NAALADL2: variants seen among roughly 807,000 people sequenced by gnomAD.
NAALADL2 encodes N-acetylated alpha-linked acidic dipeptidase like 2.
Under a neutral mutation model 87.2 loss-of-function variants are expected in NAALADL2, and 76 were observed. The observed-to-expected ratio is 0.87, with a 90% CI of 0.72 to 1.05. The LOEUF is 1.05. NAALADL2 is among the 50% of genes least tolerant of loss of function. The pLI, the probability that NAALADL2 is intolerant of heterozygous loss-of-function variation, is 0.00. For missense variants in NAALADL2, 1,089 were observed against 945.8 expected, an observed-to-expected ratio of 1.15 and a Z score of -1.99; for synonymous variants, 354 against 331.0, an observed-to-expected ratio of 1.07 and a Z score of -0.75.
intron 3 of NAALADL2, among the ~76,000 whole-genome samples, chr3:174,776,549 A>T (rs6776356): frequency 0.014 from 2,133 of 152,272 alleles, 48 homozygotes; most frequent in African/African-American, 0.05. Context: ...ATTGTGAATT[A>T]GGAAACTAAT....
intron 11 of NAALADL2, among the ~76,000 whole-genome samples, chr3:175,729,045 T>C (rs1743312536): frequency 6.6e-6 from 1 of 152,204 alleles, no homozygotes; most frequent in Admixed American, 6.5e-5. Flanking sequence ...AATATATGTG[T>C]ATGGTGTCGT....
chr3:175,554,087 A>G (rs977226824), intron 9 of NAALADL2, among the ~76,000 whole-genome samples: 6 of 152,262 alleles, frequency 3.9e-5, no homozygotes, highest in Admixed American at 2.0e-4. Context: ...GGGACATTCA[A>G]ATTAATAGTG....
At chr3:174,498,451 A>G (rs955710881) in intron 1 of NAALADL2, among the ~76,000 whole-genome samples, 61 of 151,834 alleles carry the variant, frequency 4.0e-4, no homozygotes, top group Non-Finnish European at 4.6e-4. Flanking sequence ...CCTTGTTAAT[A>G]AACATTTGAG....
intron 3 of NAALADL2, among the ~76,000 whole-genome samples, chr3:174,744,897 A>C (rs961962442): frequency 5.3e-5 from 8 of 152,198 alleles, no homozygotes; most frequent in Non-Finnish European, 1.0e-4. Flanking sequence ...CTTTGAAACC[A>C]GTGAGAACAA....
chr3:174,927,962 C>T (rs1736330724), intron 1 of NAALADL2, among the ~76,000 whole-genome samples: 1 of 151,988 alleles, frequency 6.6e-6, no homozygotes, highest in Non-Finnish European at 1.5e-5. Context: ...ATAGTGAGCA[C>T]ACAGGTAGAA....
chr3:175,218,260 T>C (rs868102154), intron 2 of NAALADL2: 5 of 273,748 alleles, frequency 1.8e-5, no homozygotes, highest in Non-Finnish European at 3.0e-5. Context: ...AACCAATGGG[T>C]TATATACAAA....
intron 1 of NAALADL2, among the ~76,000 whole-genome samples, chr3:174,526,175 T>A (rs892412331): frequency 6.6e-6 from 1 of 152,206 alleles, no homozygotes; most frequent in Non-Finnish European, 1.5e-5. Context: ...TTTTTCTGTA[T>A]TCACCTCCCA....
At chr3:175,634,936 T>C (rs922634760) in intron 11 of NAALADL2, among the ~76,000 whole-genome samples, 63 of 152,128 alleles carry the variant, frequency 4.1e-4, no homozygotes, top group Middle Eastern at 6.8e-3. Flanking sequence ...ATCCCAAATA[T>C]GTATTTTCAA....
chr3:174,980,909 C>A (rs1253099473), intron 1 of NAALADL2, among the ~76,000 whole-genome samples: 4 of 152,072 alleles, frequency 2.6e-5, no homozygotes, highest in Non-Finnish European at 5.9e-5. Flanking sequence ...TTTTAAGAAG[C>A]TGCAGTTCTG....
intron 1 of NAALADL2, among the ~76,000 whole-genome samples, chr3:174,506,976 A>T (rs1719244096): frequency 6.6e-6 from 1 of 151,994 alleles, no homozygotes; most frequent in Admixed American, 6.5e-5. Flanking sequence ...TTTCCCCTAA[A>T]TTGTCAATTT....
chr3:175,001,337 G>GC (rs144885328), intron 1 of NAALADL2, among the ~76,000 whole-genome samples: 2 of 152,078 alleles, frequency 1.3e-5, no homozygotes, highest in Non-Finnish European at 2.9e-5. Context: ...AAGTATCCTT[G>GC]CCCCATCTTG....
chr3:175,016,350 A>G (rs1295214486), intron 1 of NAALADL2, among the ~76,000 whole-genome samples: 1 of 150,832 alleles, frequency 6.6e-6, no homozygotes, highest in African/African-American at 2.4e-5. Context: ...TCATTACAAC[A>G]TTACAACAGT....
intron 1 of NAALADL2, among the ~76,000 whole-genome samples, chr3:175,088,516 C>T (rs976354550): frequency 5.9e-5 from 9 of 152,148 alleles, no homozygotes; most frequent in Non-Finnish European, 1.0e-4. Flanking sequence ...CTTAAATAGT[C>T]TTTGTGTGTT....
intron 3 of NAALADL2, among the ~76,000 whole-genome samples, chr3:174,757,134 TGTTA>T (rs1712207251): frequency 6.6e-6 from 1 of 152,236 alleles, no homozygotes; most frequent in South Asian, 2.1e-4. Context: ...TTAATATTGT[TGTTA>T]GTTAGCATCA....
intron 9 of NAALADL2, among the ~76,000 whole-genome samples, chr3:175,494,283 C>G (rs983070847): frequency 4.6e-5 from 7 of 152,062 alleles, no homozygotes; most frequent in Admixed American, 4.6e-4. Context: ...AGCATTTAAA[C>G]CATTTTAATT....
chr3:175,247,913 T>G (rs2109724051), intron 3 of NAALADL2, among the ~76,000 whole-genome samples: 1 of 152,312 alleles, frequency 6.6e-6, no homozygotes, highest in Non-Finnish European at 1.5e-5. Flanking sequence ...TAATTCACTG[T>G]TCTATCTCAA....
chr3:175,510,603 T>C (rs1405762053), intron 9 of NAALADL2, among the ~76,000 whole-genome samples: 3 of 152,196 alleles, frequency 2.0e-5, no homozygotes, highest in Non-Finnish European at 4.4e-5. Context: ...TCTTCCTTTA[T>C]AAACTACCTC....
intron 9 of NAALADL2, among the ~76,000 whole-genome samples, chr3:175,489,834 A>G (rs934860887): frequency 1.3e-5 from 2 of 152,212 alleles, no homozygotes; most frequent in East Asian, 1.9e-4. Flanking sequence ...AAAATAAAGC[A>G]TTATTCCTTA....
intron 3 of NAALADL2, among the ~76,000 whole-genome samples, chr3:174,848,757 ATATCT>A (rs1303821526): frequency 7.2e-5 from 11 of 152,326 alleles, no homozygotes; most frequent in African/African-American, 2.6e-4. Flanking sequence ...TCTGAGAAAC[ATATCT>A]TAACTGATTT....
Sources: allele counts gnomAD v4.1 joint callset (sites outside exome capture counted in the v4.1 genomes callset), GRCh38; gene constraint gnomAD v4.1.1; transcripts MANE v1.5; gene names NCBI Gene and HGNC (gene_info 2026-07-23, HGNC 2026-07-21).